The following MORC2 variants were observed in gnomAD, a reference collection of about 807,000 sequenced individuals.
The protein encoded by MORC2 is ATPase MORC2.
MORC2 carries 30 observed loss-of-function variants against 136.0 expected under a neutral mutation model. That is an observed-to-expected ratio of 0.22 (90% CI 0.17 to 0.30). The LOEUF (loss-of-function observed/expected upper bound fraction) is 0.30. Among genes scored for constraint, MORC2 ranks in the 10% least tolerant of loss-of-function variants. The pLI is 1.00. For synonymous variants in MORC2, 439 were observed against 487.0 expected, an observed-to-expected ratio of 0.90 and a Z score of 1.30; for missense variants, 922 against 1,333.1, an observed-to-expected ratio of 0.69 and a Z score of 4.80.
At chr22:30,936,812 T>C (rs1023868689) in intron 16 of MORC2, 120 bp downstream of exon 16, 35 of 1,298,358 alleles carry the variant, frequency 2.7e-5, no homozygotes, top group Non-Finnish European at 3.8e-5. Context: ...TTTTTATTTC[T>C]TGGGCAGTTA....
At chr22:30,963,053 G>A (rs1335153295) in intron 1 of MORC2, among the ~76,000 whole-genome samples, 2 of 151,606 alleles carry the variant, frequency 1.3e-5, no homozygotes, top group Non-Finnish European at 2.9e-5. Context: ...CTCACTGCAA[G>A]CTCCGCCTCC....
chr22:30,937,157 G>A lies in MORC2; in HGVS notation c.1499-120C>T, dbSNP rs530911962. 4.5e-5 allele frequency: 32 copies of A among 711,918 alleles called. No homozygotes were observed. Among genetic ancestry groups the A allele is most frequent in the East Asian group, 4.0e-4 (15 of 37,362 alleles). The allele number at this position is 711,918 out of a possible 1,614,324, so 44.1% of individuals were successfully genotyped here. On this transcript the variant is annotated intron_variant, in intron 15 of 25. Transcript: ENST00000397641. This position sits in a 1 kb window ranked among gnomAD's most constrained non-coding sequence, Gnocchi z 4.7. ...ACTTTGTAGGCAAAGATCTTCACTCGGGCTCCAACTCTGCCTATCCTTAGA... is the reference window on the plus strand; with the variant it reads ...ACTTTGTAGGCAAAGATCTTCACTCAGGCTCCAACTCTGCCTATCCTTAGA...
rs773667183 is a variant in MORC2 at position 30,933,481 on chromosome 22, T to C, written c.2365A>G (p.Lys789Glu). 3.1e-6 allele frequency: 5 copies of C among 1,613,774 alleles called. No homozygotes were observed. In the East Asian group the frequency reaches 6.7e-5, roughly 22 times the overall value. The change falls in exon 21 of 26, where the codon AAG (lysine) becomes GAG (glutamate). Residue 789 changes from lysine (K) to glutamate (E), a missense_variant. This residue lies in a region of MORC2 where 263 missense variants were observed against 388.3 expected (regional missense o/e 0.68). Coordinates refer to ENST00000397641, the MANE Select transcript of MORC2 (RefSeq NM_001303256.3). ...CCCAGCTCACCTTTCTGAGCTCTCT[T>C]GAGGTCAGCCGAGTCCTCTTCCCCA... Reference protein sequence around the residue: ...SAGEEDSADLKRAQKDKGLHV... With the variant: ...SAGEEDSADLERAQKDKGLHV...
At chr22:30,942,023 G>A (rs757158720) in intron 7 of MORC2, 21 bp from the exon 8 acceptor site, 1 of 1,610,898 alleles carries the variant, frequency 6.2e-7, no homozygotes, top group South Asian at 1.1e-5. Flanking sequence ...GAAATCTTTT[G>A]TCCTGCCAGA....
At position 30,938,212 on chromosome 22, in the gene MORC2, A is replaced by AACGGC; in HGVS notation, c.1074-8_1074-7insGCCGT. ...CTTAGGTTCTTTAAGTGCTCTAAGAAGACAAAAAAACTCAAGCAGATCTAC... is the reference window on the plus strand; with the variant it reads ...CTTAGGTTCTTTAAGTGCTCTAAGAAACGGCGACAAAAAAACTCAAGCAGATCTAC... On this transcript the variant is annotated splice_polypyrimidine_tract_variant and splice_region_variant and intron_variant, in intron 12 of 25. Coordinates refer to ENST00000397641, the MANE Select transcript of MORC2 (RefSeq NM_001303256.3). 7 of 1,609,264 alleles carry AACGGC rather than the reference A, an allele frequency of 4.3e-6. No homozygotes were observed. Among genetic ancestry groups the AACGGC allele is most frequent in the Admixed American group, 1.7e-5 (1 of 59,642 alleles).
At position 30,937,206 on chromosome 22, in the gene MORC2, A is replaced by G. The variant is rs986619162; in HGVS notation, c.1499-169T>C. ...GAGAATACTAATTCTTCTCAGGGAC[A>G]CTGATTCCAGGAAGGATGGAAACTT... On this transcript the variant is annotated intron_variant, in intron 15 of 25. Transcript: ENST00000397641. The surrounding 1 kb of genome is among the most constrained non-coding windows in gnomAD (Gnocchi z 4.7). Among the ~76,000 whole-genome samples, 5 of 152,182 alleles carry G rather than the reference A, an allele frequency of 3.3e-5. No individual in the cohort carries two copies. In the South Asian group the frequency reaches 1.0e-3, roughly 32 times the overall value.
At chr22:30,946,569 C>CT (rs1347996633) in intron 5 of MORC2, 120 bp from the exon 6 acceptor site, 1 of 751,102 alleles carries the variant, frequency 1.3e-6, no homozygotes, top group Non-Finnish European at 2.2e-6. Flanking sequence ...TAAAGGCCCC[C>CT]CCAGGTCCCA....
At chr22:30,926,945 C>A in intron 25 of MORC2, 74 bp from the exon 26 acceptor site, 12 of 1,313,218 alleles carry the variant, frequency 9.1e-6, no homozygotes, top group South Asian at 1.2e-5. Context: ...ACCCTTCTCT[C>A]AGCTCCTGGG....
Position 30,932,259 on chromosome 22 carries a change from T to G in MORC2, c.2841+100A>C. Reference sequence around the variant, plus strand: ...GAGCACACAGCTGAGAGCTAGCAACTGCAACAAGCGTAACAATCATAATCA... The same window carrying G: ...GAGCACACAGCTGAGAGCTAGCAACGGCAACAAGCGTAACAATCATAATCA... On this transcript the variant is annotated intron_variant, in intron 24 of 25. Coordinates refer to ENST00000397641, the MANE Select transcript of MORC2 (RefSeq NM_001303256.3). The surrounding 1 kb of genome is among the most constrained non-coding windows in gnomAD (Gnocchi z 4.4). The G allele has an allele frequency of 9.5e-7, 1 of 1,047,658 alleles. No individual in the cohort carries two copies. Among genetic ancestry groups the G allele is most frequent in the African/African-American group, 1.6e-5 (1 of 63,004 alleles). The allele number at this position is 1,047,658 out of a possible 1,614,324, so 64.9% of individuals were successfully genotyped here.
At position 30,946,458 on chromosome 22, in the gene MORC2, G is replaced by C. The variant is rs2147276921; in HGVS notation, c.318-9C>G. 2 of 1,602,090 alleles carry C rather than the reference G, an allele frequency of 1.2e-6. No individual in the cohort carries two copies. ...CAATGCGCATTGAGCCCCTGAAAAGGAAACAGAAATGGGTGTTATTCTCCC... is the reference window on the plus strand; with the variant it reads ...CAATGCGCATTGAGCCCCTGAAAAGCAAACAGAAATGGGTGTTATTCTCCC... On this transcript the variant is annotated splice_polypyrimidine_tract_variant and intron_variant, in intron 5 of 25. Transcript: ENST00000397641.
chr22:30,926,922 G>A, intron 25 of MORC2, 51 bp from the exon 26 acceptor site: 2 of 1,510,804 alleles, frequency 1.3e-6, no homozygotes, highest in Non-Finnish European at 1.8e-6. Context: ...GTGATTGGGG[G>A]GCTCACCTTT....
intron 24 of MORC2, among the ~76,000 whole-genome samples, chr22:30,929,475 G>A (rs139025310): frequency 0.012 from 1,824 of 152,254 alleles, 13 homozygotes; most frequent in Non-Finnish European, 0.018. Flanking sequence ...ATGGCCAGGC[G>A]TGGTGCCTCA....
At chr22:30,947,758 C>T (rs562793698) in intron 5 of MORC2, among the ~76,000 whole-genome samples, 70 of 152,332 alleles carry the variant, frequency 4.6e-4, no homozygotes, top group Non-Finnish European at 9.3e-4. Context: ...ATCTTGCCTT[C>T]TGTCAAAGCA....
intron 5 of MORC2, among the ~76,000 whole-genome samples, chr22:30,946,892 G>A (rs765292448): frequency 1.2e-4 from 18 of 152,084 alleles, no homozygotes; most frequent in Non-Finnish European, 1.8e-4. Flanking sequence ...CCCTCAACAC[G>A]TCATCTTCCA....
chr22:30,951,587 G>C (rs2040887270), intron 3 of MORC2, among the ~76,000 whole-genome samples: 1 of 152,220 alleles, frequency 6.6e-6, no homozygotes, highest in Non-Finnish European at 1.5e-5. Context: ...TAAGAGGAAA[G>C]AGGTCTGTGT....
chr22:30,953,977 C>T (rs1447476533), intron 3 of MORC2, among the ~76,000 whole-genome samples: 1 of 152,078 alleles, frequency 6.6e-6, no homozygotes, highest in African/African-American at 2.4e-5. Flanking sequence ...AAATACTTTC[C>T]CCCATGAACT....
chr22:30,953,801 T>C (rs1284533240), intron 3 of MORC2, among the ~76,000 whole-genome samples: 1 of 152,204 alleles, frequency 6.6e-6, no homozygotes, highest in Non-Finnish European at 1.5e-5. Flanking sequence ...TAATATGCTT[T>C]GGGTAAATGA....
chr22:30,958,823 T>C (rs2041003307), intron 1 of MORC2, 129 bp from the exon 2 acceptor site: 27 of 781,622 alleles, frequency 3.5e-5, no homozygotes, highest in Non-Finnish European at 8.3e-6. Context: ...ATTGTTTTTA[T>C]ACTACTCAAG....
At chr22:30,962,589 T>C (rs2041064350) in intron 1 of MORC2, among the ~76,000 whole-genome samples, 1 of 129,030 alleles carries the variant, frequency 7.8e-6, no homozygotes, top group African/African-American at 3.3e-5. Context: ...AGCCAGACCC[T>C]GTCTCAAAAA....
Sources: allele counts gnomAD v4.1 joint callset (sites outside exome capture counted in the v4.1 genomes callset), GRCh38; gene constraint gnomAD v4.1.1; regional missense constraint gnomAD v4.1.1; non-coding constraint Gnocchi (gnomAD v3.1); transcripts MANE v1.5; gene names NCBI Gene and HGNC (gene_info 2026-07-23, HGNC 2026-07-21).